The following BAD variants were observed in gnomAD, a reference collection of about 807,000 sequenced individuals.
BAD encodes bcl2-associated agonist of cell death.
A neutral mutation model predicts 17.8 loss-of-function variants in BAD; 18 were observed. That is an observed-to-expected ratio of 1.01 (90% CI 0.70 to 1.50). BAD has a LOEUF of 1.50. Among genes scored for constraint, BAD ranks in the 40% most tolerant of loss-of-function variants. The pLI is 0.00. For missense variants in BAD, 294 were observed against 239.3 expected, an observed-to-expected ratio of 1.23 and a Z score of -1.51; for synonymous variants, 112 against 91.5, an observed-to-expected ratio of 1.22 and a Z score of -1.28.
At chr11:64,278,316 T>C (rs1314795809) in intron 2 of BAD, among the ~76,000 whole-genome samples, 1 of 151,028 alleles carries the variant, frequency 6.6e-6, no homozygotes, top group Non-Finnish European at 1.5e-5. Context: ...CGAGGCGAGA[T>C]TGCACCACTG....
Position 64,271,579 on chromosome 11 carries a change from T to C in BAD, c.378+34A>G, listed in dbSNP as rs2032613055. On this transcript the variant is annotated intron_variant, in intron 3 of 3. Coordinates refer to ENST00000309032, the MANE Select transcript of BAD (RefSeq NM_032989.3). ...AGACCGGCGGGGGGCGGCCTGGTACTTCAGGTCCTGGCACGCTGGGGACTG... is the reference window on the plus strand; with the variant it reads ...AGACCGGCGGGGGGCGGCCTGGTACCTCAGGTCCTGGCACGCTGGGGACTG... 2.2e-6 allele frequency: 3 copies of C among 1,392,062 alleles called. No individual in the cohort carries two copies. In the South Asian group the frequency reaches 4.8e-5, roughly 22 times the overall value. 86.2% of individuals were successfully genotyped at this position (1,392,062 alleles called of 1,614,324 possible).
At chr11:64,281,113 G>A (rs1029992736) in intron 2 of BAD, among the ~76,000 whole-genome samples, 1 of 152,032 alleles carries the variant, frequency 6.6e-6, no homozygotes, top group African/African-American at 2.4e-5. Context: ...GACTACAGGC[G>A]CCCACCACCA....
At chr11:64,282,944 G>A (rs2033582992) in intron 2 of BAD, among the ~76,000 whole-genome samples, 2 of 151,812 alleles carry the variant, frequency 1.3e-5, no homozygotes, top group African/African-American at 4.8e-5. Flanking sequence ...CCACACACCT[G>A]TATTCCCAGT....
At chr11:64,271,495 G>T in intron 3 of BAD, 118 bp downstream of exon 3, 1 of 1,087,802 alleles carries the variant, frequency 9.2e-7, no homozygotes, top group Non-Finnish European at 1.2e-6. Context: ...GAACAGGACG[G>T]CTTTGGGGAG....
At chr11:64,284,602 C>G in intron 1 of BAD, 29 bp downstream of exon 1, 1 of 1,500,984 alleles carries the variant, frequency 6.7e-7, no homozygotes. Context: ...GGCCCCGCCC[C>G]GCCCGTGGTG....
At chr11:64,277,020 A>T (rs2033119140) in intron 2 of BAD, 1 of 717,280 alleles carries the variant, frequency 1.4e-6, no homozygotes, top group Non-Finnish European at 2.6e-6. Flanking sequence ...TCAGATTCCC[A>T]AGAAGGAGAA....
intron 2 of BAD, among the ~76,000 whole-genome samples, chr11:64,273,855 C>CAAAAAAAAA (rs34577596): frequency 5.5e-5 from 3 of 54,834 alleles, no homozygotes; most frequent in Admixed American, 2.8e-4. Flanking sequence ...GCACCCATCT[C>CAAAAAAAAA]AAAAAAAAAA....
intron 2 of BAD, among the ~76,000 whole-genome samples, chr11:64,278,374 T>TTA (rs1386255346): frequency 2.7e-5 from 4 of 147,626 alleles, no homozygotes; most frequent in African/African-American, 4.9e-5. Context: ...GAAAAAAAAA[T>TTA]TATATATATA....
chr11:64,273,504 C>G (rs575892252), intron 2 of BAD, among the ~76,000 whole-genome samples: 12 of 152,286 alleles, frequency 7.9e-5, no homozygotes, highest in African/African-American at 2.9e-4. Context: ...CCAACTCCTG[C>G]CAACTCCACT....
chr11:64,273,742 C>T (rs926678372), intron 2 of BAD, among the ~76,000 whole-genome samples: 6 of 150,268 alleles, frequency 4.0e-5, no homozygotes, highest in Non-Finnish European at 8.9e-5. Flanking sequence ...ATTAGCCAGG[C>T]GCGGTGGCAG....
At chr11:64,283,350 C>T (rs1008453494) in intron 2 of BAD, among the ~76,000 whole-genome samples, 1 of 152,198 alleles carries the variant, frequency 6.6e-6, no homozygotes, top group Non-Finnish European at 1.5e-5. Flanking sequence ...CCCAGCTTGA[C>T]CTGGTTTTTG....
chr11:64,282,276 A>C (rs1565351538), intron 2 of BAD, among the ~76,000 whole-genome samples: 1 of 152,176 alleles, frequency 6.6e-6, no homozygotes, highest in African/African-American at 2.4e-5. Flanking sequence ...TGTGAGCAGA[A>C]AAATGGCCAA....
In BAD at chr11:64,270,337, T is replaced by TA; in HGVS notation, c.379-1_379insT (p.Lys127Ter). The TA allele has an allele frequency of 6.5e-7, 1 of 1,549,680 alleles. No individual in the cohort carries two copies. Among genetic ancestry groups the TA allele is most frequent in the Non-Finnish European group, 8.7e-7 (1 of 1,144,322 alleles). ...GCGCTCTTCGGGCGAGGAAGTCCCTTCTGGTGGAGGGAGAAAAGGGTTACA... is the reference window on the plus strand; with the variant it reads ...GCGCTCTTCGGGCGAGGAAGTCCCTTACTGGTGGAGGGAGAAAAGGGTTACA... On this transcript the variant is annotated frameshift_variant and splice_region_variant. Transcript: ENST00000309032. LOFTEE classifies it high-confidence loss of function.
chr11:64,275,728 G>A (rs1055681580), intron 2 of BAD: 2 of 152,000 alleles, frequency 1.3e-5, no homozygotes, highest in East Asian at 1.9e-4. Context: ...GGACCACTAC[G>A]CTTGCCGGAC....
chr11:64,276,160 A>G (rs2033037910), intron 2 of BAD, among the ~76,000 whole-genome samples: 1 of 152,110 alleles, frequency 6.6e-6, no homozygotes, highest in Non-Finnish European at 1.5e-5. Context: ...AACCTGTCCT[A>G]TGGGGTGGGA....
At chr11:64,276,314 G>GTGTGTGTGTT (rs755265862) in intron 2 of BAD, 2 of 148,492 alleles carry the variant, frequency 1.3e-5, no homozygotes, top group African/African-American at 5.1e-5. Flanking sequence ...GTGTGTGTGT[G>GTGTGTGTGTT]TATATATATA....
intron 2 of BAD, chr11:64,277,190 C>A: frequency 3.4e-6 from 2 of 587,834 alleles, no homozygotes; most frequent in Non-Finnish European, 6.1e-6. Context: ...GGATCCTGCC[C>A]CTACCACATG....
At position 64,270,059 on chromosome 11, in the gene BAD, A is replaced by T. The variant is rs1210096314; in HGVS notation, c.*150T>A. The stretch of plus-strand genomic sequence containing the variant: ...CCAAGCCTTCCGTGGCTTCACACGC[A>T]CCGGAAGGGAATCTGGGTCAGCCCT... On this transcript the variant is annotated 3_prime_UTR_variant, in exon 4 of 4. Transcript: ENST00000309032. 8.5e-5 allele frequency: 117 copies of T among 1,370,486 alleles called. 1 individual carries two copies. The highest frequency in any genetic ancestry group is 1.2e-4 in the Non-Finnish European group (117 of 994,532). 84.9% of individuals were successfully genotyped at this position (1,370,486 alleles called of 1,614,324 possible).
chr11:64,283,643 T>A (rs2033632814), intron 2 of BAD, among the ~76,000 whole-genome samples: 1 of 152,224 alleles, frequency 6.6e-6, no homozygotes, highest in Non-Finnish European at 1.5e-5. Flanking sequence ...GGAAAGCATG[T>A]AGCCTGGGGC....
Sources: gnomAD v4.1 joint callset for allele counts (sites outside exome capture counted in the v4.1 genomes callset) on GRCh38, gnomAD v4.1.1 for gene constraint, MANE v1.5 for transcripts, NCBI Gene and HGNC (gene_info 2026-07-23, HGNC 2026-07-21) for gene names.